The following NLGN1 variants were observed in gnomAD, a reference collection of about 807,000 sequenced individuals.
The protein encoded by NLGN1 is neuroligin-1.
In NLGN1, 12 loss-of-function variants were observed where a neutral mutation model predicts 65.5. The observed-to-expected ratio is 0.18, with a 90% CI of 0.12 to 0.30. The LOEUF (loss-of-function observed/expected upper bound fraction) is 0.30, where lower values mean the gene tolerates loss of function less well. Ranked by LOEUF, NLGN1 falls within the 10% of genes least tolerant of loss-of-function variation. NLGN1 has a pLI of 1.00. For synonymous variants in NLGN1, 350 were observed against 359.5 expected (o/e 0.97, Z 0.30); for missense variants, 750 against 1,007.1 (o/e 0.74, Z 3.46).
chr3:174,269,294 T>TACA (rs1748887564), intron 4 of NLGN1, among the ~76,000 whole-genome samples: 1 of 152,038 alleles, frequency 6.6e-6, no homozygotes, highest in African/African-American at 2.4e-5. Context: ...AACTTTTTCA[T>TACA]ACAACACTGA....
chr3:174,002,589 G>A (rs902139245), intron 4 of NLGN1, among the ~76,000 whole-genome samples: 1 of 152,040 alleles, frequency 6.6e-6, no homozygotes, highest in Non-Finnish European at 1.5e-5. Context: ...CACAAGTTGA[G>A]AACTGCTGCC....
chr3:174,264,963 CT>C (rs1747742038), intron 4 of NLGN1, among the ~76,000 whole-genome samples: 1 of 152,132 alleles, frequency 6.6e-6, no homozygotes, highest in South Asian at 2.1e-4. Context: ...CAGTGTGCCC[CT>C]GCTGGGGGGT....
rs191813801 is a variant in NLGN1 at position 173,980,397 on chromosome 3, A to G, written c.646+172565A>G. Among the ~76,000 whole-genome samples, 194 of 152,178 alleles carry G rather than the reference A, an allele frequency of 1.3e-3. 2 individuals carry two copies. Among genetic ancestry groups the G allele is most frequent in the Non-Finnish European group, 2.2e-3 (147 of 67,986 alleles). The stretch of plus-strand genomic sequence containing the variant: ...AATCGTAAAATTATTCCATGTTGCT[A>G]TATAGTCTTTTATGTCTATCATTTT... On this transcript the variant is annotated intron_variant, in intron 4 of 6. Transcript: ENST00000457714.
chr3:173,623,015 G>T (rs1335379988), intron 3 of NLGN1, among the ~76,000 whole-genome samples: 1 of 152,092 alleles, frequency 6.6e-6, no homozygotes, highest in Non-Finnish European at 1.5e-5. Flanking sequence ...ATACCCTCAA[G>T]GGAGTGTTGA....
intron 3 of NLGN1, among the ~76,000 whole-genome samples, chr3:173,789,122 C>T (rs1712020198): frequency 6.6e-6 from 1 of 151,628 alleles, no homozygotes; most frequent in Admixed American, 6.6e-5. Context: ...TCACTTGAAC[C>T]TGGGAAGCAG....
intron 4 of NLGN1, among the ~76,000 whole-genome samples, chr3:174,067,596 C>G (rs1016515759): frequency 2.6e-5 from 4 of 152,080 alleles, no homozygotes; most frequent in African/African-American, 9.7e-5. Context: ...AAATACTTGT[C>G]CTCAGGTCTC....
intron 2 of NLGN1, among the ~76,000 whole-genome samples, chr3:173,442,619 G>T (rs990063406): frequency 1.3e-5 from 2 of 152,078 alleles, no homozygotes; most frequent in African/African-American, 2.4e-5. Context: ...TAATTATTGA[G>T]TCTTAATATT....
intron 2 of NLGN1, among the ~76,000 whole-genome samples, chr3:173,535,964 A>T (rs1198319024): frequency 6.6e-6 from 1 of 152,236 alleles, no homozygotes; most frequent in South Asian, 2.1e-4. Flanking sequence ...GTCATGTGAT[A>T]AAACAAGAGA....
chr3:173,624,694 C>T (rs902943968), intron 3 of NLGN1, among the ~76,000 whole-genome samples: 9 of 152,068 alleles, frequency 5.9e-5, no homozygotes, highest in African/African-American at 1.9e-4. Flanking sequence ...ACAGCTACCA[C>T]ATGCAGTAAG....
chr3:173,533,683 T>A (rs1560396064), intron 2 of NLGN1, among the ~76,000 whole-genome samples: 2 of 151,892 alleles, frequency 1.3e-5, no homozygotes, highest in Non-Finnish European at 2.9e-5. Context: ...GCAAGGTTGA[T>A]CATGTAGAAA....
intron 4 of NLGN1, among the ~76,000 whole-genome samples, chr3:174,001,086 G>A (rs1212730451): frequency 6.6e-6 from 1 of 152,168 alleles, no homozygotes; most frequent in Non-Finnish European, 1.5e-5. Context: ...ATTGTACAGA[G>A]AATGCATCAG....
chr3:174,012,444 G>A (rs1259279393), intron 4 of NLGN1, among the ~76,000 whole-genome samples: 1 of 152,052 alleles, frequency 6.6e-6, no homozygotes, highest in Non-Finnish European at 1.5e-5. Flanking sequence ...AAAGGCACAA[G>A]CCCTTACCTT....
intron 4 of NLGN1, among the ~76,000 whole-genome samples, chr3:174,173,850 T>C (rs1270455611): frequency 6.6e-6 from 1 of 152,048 alleles, no homozygotes; most frequent in South Asian, 2.1e-4. Context: ...CCAAAGCTTA[T>C]TGGGGAACAG....
At chr3:174,130,330 C>T (rs9871558) in intron 4 of NLGN1, among the ~76,000 whole-genome samples, 22,215 of 152,046 alleles carry the variant, frequency 0.15, 2,840 homozygotes, top group African/African-American at 0.34. Context: ...GCCGAGATCG[C>T]GCCGTTGCAC....
At chr3:173,416,627 T>C (rs670629) in intron 1 of NLGN1, among the ~76,000 whole-genome samples, 43,327 of 152,080 alleles carry the variant, frequency 0.28, 6,488 homozygotes, top group Middle Eastern at 0.41. Context: ...GTAAAAGACA[T>C]GCAAAAATAT....
chr3:173,469,483 C>T (rs921018389), intron 2 of NLGN1, among the ~76,000 whole-genome samples: 5 of 152,146 alleles, frequency 3.3e-5, no homozygotes, highest in African/African-American at 1.2e-4. Flanking sequence ...AAATCTTTGT[C>T]ATTTCAAAAT....
intron 2 of NLGN1, among the ~76,000 whole-genome samples, chr3:173,444,687 C>T (rs12488070): frequency 0.79 from 119,453 of 151,970 alleles, 48,131 homozygotes; most frequent in East Asian, 0.97. Context: ...CTGGCCTCAA[C>T]GGCTGGATGG....
At chr3:173,824,317 A>C (rs981326056) in intron 4 of NLGN1, among the ~76,000 whole-genome samples, 15 of 152,272 alleles carry the variant, frequency 9.9e-5, no homozygotes, top group African/African-American at 3.6e-4. Flanking sequence ...TACTTGTACA[A>C]TCTTCAATCT....
chr3:173,787,241 A>G (rs1458995263), intron 3 of NLGN1, among the ~76,000 whole-genome samples: 2 of 152,210 alleles, frequency 1.3e-5, no homozygotes, highest in African/African-American at 2.4e-5. Context: ...TCTCTTGCCT[A>G]AAGTCAACTG....
Sources: allele counts gnomAD v4.1 joint callset (sites outside exome capture counted in the v4.1 genomes callset), GRCh38; gene constraint gnomAD v4.1.1; transcripts MANE v1.5; gene names NCBI Gene and HGNC (gene_info 2026-07-23, HGNC 2026-07-21).